Variants in ZNF410 observed in about 807,000 individuals in gnomAD.
The protein encoded by ZNF410 is zinc finger protein 410, also known as another partner for ARF 1.
In ZNF410, 18 loss-of-function variants were observed where a neutral mutation model predicts 54.8. That is an observed-to-expected ratio of 0.33 (90% CI 0.23 to 0.49). ZNF410 has a LOEUF of 0.49. Ranked by LOEUF, ZNF410 falls within the 20% of genes least tolerant of loss-of-function variation. The pLI, the probability that ZNF410 is intolerant of heterozygous loss-of-function variation, is 0.99. For missense variants in ZNF410, 405 were observed against 569.6 expected (o/e 0.71, Z 2.94); for synonymous variants, 191 against 207.3 (o/e 0.92, Z 0.68).
At chr14:73,897,267 C>A (rs755187353) in intron 4 of ZNF410, among the ~76,000 whole-genome samples, 1 of 152,022 alleles carries the variant, frequency 6.6e-6, no homozygotes, top group Non-Finnish European at 1.5e-5. Context: ...ACAATAGATA[C>A]ACAAGTTAGA....
In ZNF410 at chr14:73,931,596, C is replaced by T; in HGVS notation, c.*55C>T. 2 of 1,544,942 alleles carry T rather than the reference C, an allele frequency of 1.3e-6. No homozygotes were observed. Among genetic ancestry groups the T allele is most frequent in the East Asian group, 4.5e-5 (2 of 44,402 alleles). The stretch of plus-strand genomic sequence containing the variant: ...TCTATCTGATCTCAAAATGCGTATA[C>T]TGGGAACAGGATGCCTTAGCCCACA... On this transcript the variant is annotated 3_prime_UTR_variant, in exon 12 of 12. Transcript: ENST00000555044.
chr14:73,887,336 C>T (rs1032574048), intron 1 of ZNF410: 5 of 152,174 alleles, frequency 3.3e-5, no homozygotes, highest in Non-Finnish European at 7.3e-5. Context: ...TGTTTCAGTC[C>T]AGAGCTACCC....
At chr14:73,909,574 G>A (rs1594756309) in intron 8 of ZNF410, 144 bp downstream of exon 8, 1 of 563,696 alleles carries the variant, frequency 1.8e-6, no homozygotes, top group Non-Finnish European at 3.1e-6. Flanking sequence ...GACAGAATCA[G>A]AAATCAAGGC....
chr14:73,891,157 G>A (rs2055223708), intron 1 of ZNF410, among the ~76,000 whole-genome samples: 1 of 151,750 alleles, frequency 6.6e-6, no homozygotes. Context: ...AGAAATATTG[G>A]AAAATTGAGA....
intron 7 of ZNF410, among the ~76,000 whole-genome samples, chr14:73,908,292 T>C (rs749716821): frequency 7.9e-5 from 12 of 152,260 alleles, no homozygotes; most frequent in African/African-American, 2.7e-4. Context: ...TACATTCTTA[T>C]GTAGAATCTT....
chr14:73,917,060 A>G (rs1284117041), intron 8 of ZNF410, among the ~76,000 whole-genome samples: 1 of 152,252 alleles, frequency 6.6e-6, no homozygotes, highest in Non-Finnish European at 1.5e-5. Flanking sequence ...TTTTGAAAAG[A>G]AAATAATTGG....
At chr14:73,928,610 C>T (rs1044824314) in intron 11 of ZNF410, among the ~76,000 whole-genome samples, 25 of 152,080 alleles carry the variant, frequency 1.6e-4, no homozygotes, top group African/African-American at 6.0e-4. Flanking sequence ...AGGTGCTGCC[C>T]ACTTACAGCC....
chr14:73,906,877 A>G (rs1299017108), intron 7 of ZNF410, among the ~76,000 whole-genome samples: 1 of 151,854 alleles, frequency 6.6e-6, no homozygotes, highest in East Asian at 1.9e-4. Flanking sequence ...TGAATGTTTC[A>G]CCAGTTTCAG....
At chr14:73,909,532 C>T in intron 8 of ZNF410, 102 bp downstream of exon 8, 2 of 908,612 alleles carry the variant, frequency 2.2e-6, no homozygotes, top group Non-Finnish European at 3.4e-6. Flanking sequence ...ACAAACTGTT[C>T]ACTATAAAGA....
intron 1 of ZNF410, among the ~76,000 whole-genome samples, chr14:73,888,819 C>G (rs1463174738): frequency 1.3e-5 from 2 of 152,146 alleles, no homozygotes; most frequent in African/African-American, 2.4e-5. Flanking sequence ...TGCTCTAGTA[C>G]AAATTCTTTT....
At chr14:73,928,326 C>T (rs185027158) in intron 11 of ZNF410, among the ~76,000 whole-genome samples, 1 of 152,018 alleles carries the variant, frequency 6.6e-6, no homozygotes, top group African/African-American at 2.4e-5. Context: ...AGTAGAGGGC[C>T]TCTGTGGAAC....
intron 8 of ZNF410, chr14:73,912,949 C>A (rs1162229201): frequency 3.3e-5 from 5 of 151,594 alleles, no homozygotes; most frequent in Non-Finnish European, 7.4e-5. Context: ...GTAAAGGTGT[C>A]CCATGGTGGT....
chr14:73,887,919 C>CT (rs1342756451), intron 1 of ZNF410, among the ~76,000 whole-genome samples: 1 of 152,106 alleles, frequency 6.6e-6, no homozygotes, highest in Non-Finnish European at 1.5e-5. Flanking sequence ...AGGCACTGAA[C>CT]TTTGAGTAGA....
In ZNF410 at chr14:73,932,247, T is replaced by G. The variant is rs1300295692; in HGVS notation, c.*706T>G. ...AAATTACATGATGCAGAGATTCAGGTTTTCCTTTAAATAAACAAAACAGCC... is the reference window on the plus strand; with the variant it reads ...AAATTACATGATGCAGAGATTCAGGGTTTCCTTTAAATAAACAAAACAGCC... On this transcript the variant is annotated 3_prime_UTR_variant, in exon 12 of 12. Coordinates refer to ENST00000555044, the MANE Select transcript of ZNF410 (RefSeq NM_021188.3). The G allele has an allele frequency of 3.0e-6, 1 of 336,910 alleles. No individual in the cohort carries two copies. 20.9% of individuals were successfully genotyped at this position (336,910 alleles called of 1,614,324 possible).
At position 73,890,437 on chromosome 14, in the gene ZNF410, C is replaced by T. The variant is rs187615685; in HGVS notation, c.-149-1590C>T. ...TCCTGACCTCAGGTGACCCACCCGC[C>T]TCGGCCTCCCAAAGTGCTGGGTTTA... On this transcript the variant is annotated intron_variant, in intron 1 of 11. Coordinates refer to ENST00000555044, the MANE Select transcript of ZNF410 (RefSeq NM_021188.3). 3.2e-3 allele frequency among the ~76,000 whole-genome samples: 482 copies of T among 152,188 alleles called. 4 individuals carry two copies. The highest frequency in any genetic ancestry group is 0.011 in the African/African-American group (463 of 41,546).
chr14:73,901,449 C>T (rs1331509351), intron 5 of ZNF410, among the ~76,000 whole-genome samples: 2 of 150,410 alleles, frequency 1.3e-5, no homozygotes, highest in East Asian at 1.9e-4. Flanking sequence ...GAAAAATTTG[C>T]GTTATATTTA....
intron 11 of ZNF410, chr14:73,924,707 C>CG (rs1204961264): frequency 2.2e-6 from 1 of 444,722 alleles, no homozygotes; most frequent in Non-Finnish European, 4.5e-6. Context: ...GACAGAGTCT[C>CG]GCTCCGTTGC....
At chr14:73,910,115 G>A (rs2055554631) in intron 8 of ZNF410, among the ~76,000 whole-genome samples, 1 of 152,152 alleles carries the variant, frequency 6.6e-6, no homozygotes, top group Admixed American at 6.5e-5. Flanking sequence ...AGGACATGGT[G>A]ATTTACTTGG....
At chr14:73,927,639 G>A (rs1415711211) in intron 11 of ZNF410, among the ~76,000 whole-genome samples, 5 of 151,948 alleles carry the variant, frequency 3.3e-5, no homozygotes, top group Non-Finnish European at 7.4e-5. Flanking sequence ...TTCATTCAGC[G>A]GCTAGTTACC....
Sources: allele counts gnomAD v4.1 joint callset (sites outside exome capture counted in the v4.1 genomes callset), GRCh38; gene constraint gnomAD v4.1.1; transcripts MANE v1.5; gene names NCBI Gene and HGNC (gene_info 2026-07-23, HGNC 2026-07-21).